ANXA6: variants seen among roughly 807,000 people sequenced by gnomAD.
ANXA6 encodes 67 kDa calelectrin.
Under a neutral mutation model 95.4 loss-of-function variants are expected in ANXA6, and 71 were observed. That is an observed-to-expected ratio of 0.74 (90% CI 0.61 to 0.91). ANXA6 has a LOEUF of 0.91. Ranked by LOEUF, ANXA6 falls within the 40% of genes least tolerant of loss-of-function variation. The pLI is 0.00. For synonymous variants in ANXA6, 289 were observed against 315.9 expected (o/e 0.91, Z 0.90); for missense variants, 830 against 876.4 (o/e 0.95, Z 0.67).
In ANXA6 at chr5:151,109,806, T is replaced by C. The variant is rs779938436; in HGVS notation, c.1631A>G (p.Glu544Gly). The C allele has an allele frequency of 3.1e-6, 5 of 1,611,296 alleles. No homozygotes were observed. The South Asian group carries it at 4.4e-5, about 14-fold the overall frequency. The change falls in exon 22 of 26, where the codon GAG becomes GGG. Residue 544 changes from glutamate to glycine, a missense_variant. By Grantham distance (98) the Glu-to-Gly change is moderately conservative. Transcript: ENST00000354546. The part of the protein sequence containing the change: ...DTPSGDKTSL[E>G]TRFMTILCTR... Reference sequence around the variant, plus strand: ...ACACAGGATCGTCATGAAACGTGTCTCCAAGGAAGTTTTGTCTCCACTAGG... The same window carrying C: ...ACACAGGATCGTCATGAAACGTGTCCCCAAGGAAGTTTTGTCTCCACTAGG...
chr5:151,123,628 T>C (rs1165412232), intron 15 of ANXA6, among the ~76,000 whole-genome samples: 2 of 148,106 alleles, frequency 1.4e-5, no homozygotes, highest in African/African-American at 5.0e-5. Flanking sequence ...GGTATCATCA[T>C]TCCCATGAGA....
chr5:151,121,695 C>A (rs965979316), intron 17 of ANXA6, among the ~76,000 whole-genome samples: 2 of 152,134 alleles, frequency 1.3e-5, no homozygotes, highest in African/African-American at 2.4e-5. Context: ...CGTTCGAGAC[C>A]CACCCCACTT....
intron 6 of ANXA6, 114 bp from the exon 7 acceptor site, chr5:151,136,449 T>C: frequency 1.1e-6 from 1 of 933,286 alleles, no homozygotes; most frequent in Non-Finnish European, 1.6e-6. Context: ...CAAAACCCAG[T>C]CTACACGTCC....
At chr5:151,103,186 A>G (rs1218375206) in intron 25 of ANXA6, among the ~76,000 whole-genome samples, 2 of 152,106 alleles carry the variant, frequency 1.3e-5, no homozygotes, top group Admixed American at 6.5e-5. Context: ...TAGTAGAGAC[A>G]GGGTTTCACC....
intron 1 of ANXA6, among the ~76,000 whole-genome samples, chr5:151,156,743 A>G (rs1766246987): frequency 6.6e-6 from 1 of 152,208 alleles, no homozygotes; most frequent in Non-Finnish European, 1.5e-5. Context: ...TGTAGGGCCT[A>G]CAAGGGTTGT....
chr5:151,106,306 C>T (rs922082805), intron 23 of ANXA6, among the ~76,000 whole-genome samples: 3 of 152,132 alleles, frequency 2.0e-5, no homozygotes, highest in African/African-American at 7.2e-5. Flanking sequence ...AGGAACCAGA[C>T]ACCAGTACTA....
intron 1 of ANXA6, among the ~76,000 whole-genome samples, chr5:151,149,107 G>A (rs1274393288): frequency 6.6e-6 from 1 of 150,572 alleles, no homozygotes; most frequent in Admixed American, 6.6e-5. Context: ...CTTGAACTCA[G>A]GAGGTGGAGG....
intron 14 of ANXA6, among the ~76,000 whole-genome samples, 157 bp downstream of exon 14, chr5:151,126,245 G>C (rs1335326610): frequency 6.6e-6 from 1 of 152,128 alleles, no homozygotes. Flanking sequence ...CCCTCCACCA[G>C]TTCACCACTC....
At chr5:151,125,566 T>C (rs993459881) in intron 14 of ANXA6, among the ~76,000 whole-genome samples, 4 of 152,222 alleles carry the variant, frequency 2.6e-5, no homozygotes, top group East Asian at 3.9e-4. Flanking sequence ...AAAAGGAAAA[T>C]CAGCAAGTGT....
intron 5 of ANXA6, among the ~76,000 whole-genome samples, chr5:151,138,113 G>A (rs1765719750): frequency 6.6e-6 from 1 of 152,136 alleles, no homozygotes; most frequent in Non-Finnish European, 1.5e-5. Context: ...AAAGATCATA[G>A]CACTTTATAG....
At chr5:151,112,402 A>G (rs970050171) in intron 20 of ANXA6, among the ~76,000 whole-genome samples, 2 of 151,970 alleles carry the variant, frequency 1.3e-5, no homozygotes. Context: ...AAGCTTTCGC[A>G]TTTTTTTTAT....
intron 16 of ANXA6, among the ~76,000 whole-genome samples, chr5:151,122,621 C>T (rs1446381068): frequency 6.6e-6 from 1 of 152,196 alleles, no homozygotes; most frequent in East Asian, 1.9e-4. Flanking sequence ...AGAGGAATTG[C>T]AAGATGCCCA....
chr5:151,103,399 G>T (rs1252755534), intron 25 of ANXA6, among the ~76,000 whole-genome samples, 171 bp downstream of exon 25: 2 of 152,082 alleles, frequency 1.3e-5, no homozygotes. Context: ...GATTCTTTTG[G>T]AATTGATTTC....
At chr5:151,134,894 A>G (rs752440037) in intron 7 of ANXA6, among the ~76,000 whole-genome samples, 64 of 152,304 alleles carry the variant, frequency 4.2e-4, no homozygotes, top group Non-Finnish European at 7.8e-4. Context: ...GAACATTTGC[A>G]TTCTATTAGG....
intron 20 of ANXA6, among the ~76,000 whole-genome samples, chr5:151,111,164 C>A (rs951289330): frequency 6.6e-6 from 1 of 152,198 alleles, no homozygotes; most frequent in African/African-American, 2.4e-5. Flanking sequence ...GGGGAGCTGA[C>A]CTGCCTGGAG....
rs559953264 is a variant in ANXA6 at position 151,133,153 on chromosome 5, G to C, written c.581C>G (p.Thr194Arg). 6 of 1,597,550 alleles carry C rather than the reference G, an allele frequency of 3.8e-6. No individual in the cohort carries two copies. The South Asian group carries it at 5.7e-5, about 15-fold the overall frequency. Reference sequence around the variant, plus strand: ...GATGTAAATGAACTGGGCTTCATCTGTTCCCCATTTCAGTTCCCCTGCCTC... The same window carrying C: ...GATGTAAATGAACTGGGCTTCATCTCTTCCCCATTTCAGTTCCCCTGCCTC... ...LYEAGELKWG[T>R]DEAQFIYILG... The change falls in exon 9 of 26, where the codon ACA becomes AGA. Residue 194 changes from threonine to arginine, a missense_variant. Transcript: ENST00000354546.
At chr5:151,145,640 T>A (rs1202823185) in intron 2 of ANXA6, among the ~76,000 whole-genome samples, 1 of 152,144 alleles carries the variant, frequency 6.6e-6, no homozygotes, top group Non-Finnish European at 1.5e-5. Flanking sequence ...CATGCATGTG[T>A]GCGTGTGTTG....
chr5:151,122,141 C>G lies in ANXA6; in HGVS notation c.1347+6G>C. 2 of 1,576,230 alleles carry G rather than the reference C, an allele frequency of 1.3e-6. No homozygotes were observed. The highest frequency in any genetic ancestry group is 1.7e-6 in the Non-Finnish European group (2 of 1,163,536). Reference sequence around the variant, plus strand: ...AGACACTAGACCCCCTGGTGCCACACTGTACCTCCATGGCCTTCTTCAACT... The same window carrying G: ...AGACACTAGACCCCCTGGTGCCACAGTGTACCTCCATGGCCTTCTTCAACT... On this transcript the variant is annotated splice_donor_region_variant and intron_variant, in intron 17 of 25. Coordinates refer to ENST00000354546, the MANE Select transcript of ANXA6 (RefSeq NM_001155.5).
intron 2 of ANXA6, among the ~76,000 whole-genome samples, chr5:151,147,389 T>C (rs1366207779): frequency 6.6e-6 from 1 of 152,206 alleles, no homozygotes; most frequent in African/African-American, 2.4e-5. Flanking sequence ...AAAGAACAGG[T>C]TACTCAGGCA....
Sources: gnomAD v4.1 joint callset for allele counts (sites outside exome capture counted in the v4.1 genomes callset) on GRCh38, gnomAD v4.1.1 for gene constraint, MANE v1.5 for transcripts, NCBI Gene and HGNC (gene_info 2026-07-23, HGNC 2026-07-21) for gene names.